Variants in HECW1 observed in about 807,000 individuals in gnomAD.
HECW1 encodes HECT, C2 and WW domain containing E3 ubiquitin protein ligase 1.
A neutral mutation model predicts 182.3 loss-of-function variants in HECW1; 61 were observed. The observed-to-expected ratio is 0.33, with a 90% CI of 0.27 to 0.41. The LOEUF is 0.41. HECW1 is among the 10% of genes least tolerant of loss of function. HECW1 has a pLI of 1.00. For missense variants in HECW1, 1,739 were observed against 2,108.9 expected (o/e 0.82, Z 3.44); for synonymous variants, 859 against 832.6 (o/e 1.03, Z -0.55).
intron 8 of HECW1, among the ~76,000 whole-genome samples, chr7:43,423,240 T>C (rs2076253384): frequency 6.6e-6 from 1 of 152,112 alleles, no homozygotes; most frequent in Non-Finnish European, 1.5e-5. Flanking sequence ...AGGACAGCAG[T>C]TTCACAAATG....
chr7:43,161,510 T>C (rs1790522912), intron 2 of HECW1: 1 of 152,208 alleles, frequency 6.6e-6, no homozygotes, highest in Non-Finnish European at 1.5e-5. Context: ...AAGGATTGTG[T>C]ACAGTTCTTA....
chr7:43,389,256 G>A (rs921105035), intron 6 of HECW1, among the ~76,000 whole-genome samples: 8 of 152,186 alleles, frequency 5.3e-5, no homozygotes, highest in Admixed American at 1.3e-4. Context: ...CACCGCCAGC[G>A]TCAGCGTCAC....
rs1209124802 is a variant in HECW1, at chr7:43,316,619, TA to T, written c.353-4015del. Reference sequence around the variant, plus strand: ...GCTTCCTGCCTCAAAGGGGATGTAATATTGCTCCCACAAAGAGGCTTCCATC... The same window carrying T: ...GCTTCCTGCCTCAAAGGGGATGTAATTTGCTCCCACAAAGAGGCTTCCATC... On this transcript the variant is annotated intron_variant, in intron 4 of 29. Coordinates refer to ENST00000395891, the MANE Select transcript of HECW1 (RefSeq NM_015052.5). Among the ~76,000 whole-genome samples the T allele has an allele frequency of 7.2e-5, 11 of 151,842 alleles. No homozygotes were observed. In the East Asian group the frequency reaches 1.9e-3, roughly 27 times the overall value.
Position 43,471,216 on chromosome 7 carries a change from T to C in HECW1, c.3099+2111T>C, listed in dbSNP as rs148200862. Among the ~76,000 whole-genome samples, 603 of 152,284 alleles carry C rather than the reference T, an allele frequency of 4.0e-3. 2 individuals carry two copies. The highest frequency in any genetic ancestry group is 0.014 in the African/African-American group (570 of 41,548). The stretch of plus-strand genomic sequence containing the variant: ...TGCCAAAGCCCATTGATAAGGGGAA[T>C]AGATTGAGAAAAGTATGTTTGGACC... On this transcript the variant is annotated intron_variant, in intron 16 of 29. Coordinates refer to ENST00000395891, the MANE Select transcript of HECW1 (RefSeq NM_015052.5).
intron 15 of HECW1, among the ~76,000 whole-genome samples, chr7:43,467,260 G>A (rs1480319979): frequency 6.6e-6 from 1 of 152,032 alleles, no homozygotes; most frequent in Admixed American, 6.5e-5. Context: ...ACTGAGGGAG[G>A]ACAGAGTGCT....
chr7:43,511,595 G>A (rs1008683163), intron 24 of HECW1: 2 of 152,316 alleles, frequency 1.3e-5, no homozygotes, highest in Non-Finnish European at 2.9e-5. Flanking sequence ...CAGAGCCACA[G>A]CTGACTGAAT....
intron 2 of HECW1, among the ~76,000 whole-genome samples, chr7:43,183,845 G>A (rs1411666387): frequency 6.6e-6 from 1 of 151,992 alleles, no homozygotes; most frequent in African/African-American, 2.4e-5. Context: ...TCTGAATACT[G>A]GAAGAATATA....
At chr7:43,419,426 T>C (rs1213172538) in intron 8 of HECW1, among the ~76,000 whole-genome samples, 1 of 152,238 alleles carries the variant, frequency 6.6e-6, no homozygotes, top group Non-Finnish European at 1.5e-5. Context: ...AAATGTATTT[T>C]GTAGCATTTT....
intron 21 of HECW1, among the ~76,000 whole-genome samples, chr7:43,504,720 C>A (rs767817424): frequency 3.0e-4 from 45 of 152,208 alleles, no homozygotes; most frequent in Non-Finnish European, 5.1e-4. Context: ...ACTATTATTT[C>A]AAACATTTCC....
Position 43,335,684 on chromosome 7 carries a change from CT to C in HECW1, c.460+14947del, listed in dbSNP as rs577467806. On this transcript the variant is annotated intron_variant, in intron 5 of 29. Coordinates refer to ENST00000395891, the MANE Select transcript of HECW1 (RefSeq NM_015052.5). ...CTTACAATATTTGGAATCTTTCTTTCTTTTTCCTTCCTTCCTTCCTTTCCTT... is the reference window on the plus strand; with the variant it reads ...CTTACAATATTTGGAATCTTTCTTTCTTTTCCTTCCTTCCTTCCTTTCCTT... 1.9e-4 allele frequency among the ~76,000 whole-genome samples: 29 copies of C among 152,220 alleles called. No individual in the cohort carries two copies. The East Asian group carries it at 5.6e-3, about 29-fold the overall frequency.
chr7:43,444,089 C>G lies in HECW1; in HGVS notation c.1046-129C>G. Reference sequence around the variant, plus strand: ...ACTAGAGCTCTGGCCAGTGAGAAACCCTCATCAACCTACATTCAATATCCT... The same window carrying G: ...ACTAGAGCTCTGGCCAGTGAGAAACGCTCATCAACCTACATTCAATATCCT... On this transcript the variant is annotated intron_variant, in intron 10 of 29. Transcript: ENST00000395891. The surrounding 1 kb of genome is among the most constrained non-coding windows in gnomAD (Gnocchi z 4.3). The G allele has an allele frequency of 1.1e-6, 1 of 944,280 alleles. No individual in the cohort carries two copies. Among genetic ancestry groups the G allele is most frequent in the African/African-American group, 1.7e-5 (1 of 60,508 alleles). The allele number at this position is 944,280 out of a possible 1,614,324, so 58.5% of individuals were successfully genotyped here.
At chr7:43,286,030 A>G (rs918929992) in intron 3 of HECW1, among the ~76,000 whole-genome samples, 2 of 152,212 alleles carry the variant, frequency 1.3e-5, no homozygotes, top group Non-Finnish European at 2.9e-5. Flanking sequence ...GCAAAAAATC[A>G]GAGACCACAG....
At position 43,444,734 on chromosome 7, in the gene HECW1, G is replaced by A; in HGVS notation, c.1562G>A (p.Arg521Lys). ...TCTACCCTGGAGCAGGGAGAGGGCA[G>A]GCTGCAGCTGCGGGCCTCGGTGAAG... ...DVSTLEQGEGRLQLRASVKRK... is the reference protein window; with the variant it reads ...DVSTLEQGEGKLQLRASVKRK... Residue 521 changes from arginine (R) to lysine (K), a missense_variant, in exon 11 of 30, where the codon AGG (arginine) becomes AAG (lysine). Transcript: ENST00000395891. This position sits in a 1 kb window ranked among gnomAD's most constrained non-coding sequence, Gnocchi z 4.3. 1.9e-6 allele frequency: 3 copies of A among 1,613,366 alleles called. No individual in the cohort carries two copies. Among genetic ancestry groups the A allele is most frequent in the Non-Finnish European group, 2.5e-6 (3 of 1,179,674 alleles).
chr7:43,444,071 C>A lies in HECW1; in HGVS notation c.1046-147C>A. On this transcript the variant is annotated intron_variant, in intron 10 of 29. Transcript: ENST00000395891. This position sits in a 1 kb window ranked among gnomAD's most constrained non-coding sequence, Gnocchi z 4.3. ...ATTCTTACAGAATTTTTCACTAGAG[C>A]TCTGGCCAGTGAGAAACCCTCATCA... is the stretch of plus-strand genomic sequence containing the variant. The A allele has an allele frequency of 1.3e-6, 1 of 769,584 alleles. No individual in the cohort carries two copies. The highest frequency in any genetic ancestry group is 2.0e-6 in the Non-Finnish European group (1 of 492,612). 47.7% of individuals were successfully genotyped at this position (769,584 alleles called of 1,614,324 possible).
intron 2 of HECW1, among the ~76,000 whole-genome samples, chr7:43,132,953 A>G (rs927828161): frequency 6.6e-6 from 1 of 152,174 alleles, no homozygotes; most frequent in Non-Finnish European, 1.5e-5. Flanking sequence ...TTAAATAATA[A>G]GGGCTATTTG....
intron 3 of HECW1, among the ~76,000 whole-genome samples, chr7:43,293,623 G>T (rs1805683566): frequency 6.6e-6 from 1 of 152,212 alleles, no homozygotes; most frequent in East Asian, 1.9e-4. Context: ...GCCATTTCTT[G>T]TAGCTTCAGT....
intron 4 of HECW1, among the ~76,000 whole-genome samples, chr7:43,317,943 C>T (rs773523495): frequency 4.0e-5 from 6 of 151,588 alleles, no homozygotes; most frequent in Non-Finnish European, 7.4e-5. Context: ...TAATTAACCC[C>T]CTTTTGTACA....
chr7:43,532,127 T>A (rs1264915266), intron 24 of HECW1, among the ~76,000 whole-genome samples: 5 of 152,200 alleles, frequency 3.3e-5, no homozygotes, highest in Non-Finnish European at 5.9e-5. Flanking sequence ...GTTTCCCATC[T>A]CAGTAAATGG....
In HECW1 at chr7:43,311,978, C is replaced by G; in HGVS notation, c.243C>G (p.Leu81=). Residue 81 remains leucine (L), a synonymous_variant, in exon 4 of 30, where the codon CTC becomes CTG. Transcript: ENST00000395891. Reference sequence around the variant, plus strand: ...TCACCTCGGACAGCCGCTCCACGCTCATGGTCAGCAGCTCCTACTATTCCA... The same window carrying G: ...TCACCTCGGACAGCCGCTCCACGCTGATGGTCAGCAGCTCCTACTATTCCA... The part of the protein sequence containing the change: ...DLVTSDSRST[L]MVSSSYYSIG... 1 of 1,614,244 alleles carries G rather than the reference C, an allele frequency of 6.2e-7. No homozygotes were observed. Among genetic ancestry groups the G allele is most frequent in the Non-Finnish European group, 8.5e-7 (1 of 1,180,044 alleles).
Sources: gnomAD v4.1 joint callset for allele counts (sites outside exome capture counted in the v4.1 genomes callset) on GRCh38, gnomAD v4.1.1 for gene constraint, Gnocchi (gnomAD v3.1) non-coding constraint, MANE v1.5 for transcripts, NCBI Gene and HGNC (gene_info 2026-07-23, HGNC 2026-07-21) for gene names.